The following SMG5 variants were observed in gnomAD, a reference collection of about 807,000 sequenced individuals.
The protein encoded by SMG5 is SMG5 nonsense mediated mRNA decay factor, also known as nonsense-mediated mRNA decay factor SMG5.
In SMG5, 53 loss-of-function variants were observed where a neutral mutation model predicts 122.9. The observed-to-expected ratio is 0.43, with a 90% CI of 0.35 to 0.54. SMG5 has a LOEUF of 0.54. SMG5 is among the 20% of genes least tolerant of loss of function. The pLI is 0.01. For missense variants in SMG5, 1,153 were observed against 1,285.6 expected, an observed-to-expected ratio of 0.90 and a Z score of 1.58; for synonymous variants, 477 against 490.2, an observed-to-expected ratio of 0.97 and a Z score of 0.35.
At chr1:156,264,186 T>G (rs1661999345) in intron 12 of SMG5, among the ~76,000 whole-genome samples, 1 of 133,082 alleles carries the variant, frequency 7.5e-6, no homozygotes, top group Admixed American at 9.7e-5. Flanking sequence ...GAGAATTGCT[T>G]GAACCCGGGA....
chr1:156,266,577 C>T lies in SMG5; in HGVS notation c.1219G>A (p.Glu407Lys), dbSNP rs1411710866. ...CTCTGGAATGCCGGGACGGGATTCT[C>T]GCCCTCTTCCAGCTCAGCCTGCAGC... ...IRLQAELEEG[E>K]NPVPAFQSDG... is the part of the protein sequence containing the mutation. The change falls in exon 11 of 22, where the codon GAG becomes AAG. Residue 407 changes from glutamate to lysine, a missense_variant. Coordinates refer to ENST00000361813, the MANE Select transcript of SMG5 (RefSeq NM_015327.3). 16 of 1,614,008 alleles carry T rather than the reference C, an allele frequency of 9.9e-6. No homozygotes were observed. Among genetic ancestry groups the T allele is most frequent in the Admixed American group, 8.3e-5 (5 of 59,992 alleles).
At chr1:156,260,424 C>T (rs1164082972) in intron 15 of SMG5, 27 bp downstream of exon 15, 3 of 1,590,730 alleles carry the variant, frequency 1.9e-6, no homozygotes, top group Non-Finnish European at 2.6e-6. Flanking sequence ...ACAAACAGAG[C>T]TGTGGCATAA....
rs766890372 is a variant in SMG5 at position 156,277,946 on chromosome 1, C to G, written c.276G>C (p.Gln92His). 5 of 1,614,102 alleles carry G rather than the reference C, an allele frequency of 3.1e-6. No homozygotes were observed. In the Admixed American group the frequency reaches 8.3e-5, roughly 27 times the overall value. The change falls in exon 3 of 22, where the codon CAG (glutamine) becomes CAC (histidine). Residue 92 changes from glutamine (Q) to histidine (H), a missense_variant. Gln to His is a conservative substitution (Grantham distance 24). Around this residue, in one of 5 missense-constraint regions of SMG5, gnomAD observed 213 missense variants for 197.5 expected, o/e 1.08. Transcript: ENST00000361813. ...LWRKVYYEVI[Q>H]LIKTNKKHIH... ...TTACCTTTTTGTTAGTCTTGATAAG[C>G]TGGATAACTTCATAGTATACCTTTC...
intron 10 of SMG5, 135 bp downstream of exon 10, chr1:156,267,335 G>A (rs1324275204): frequency 1.4e-5 from 12 of 837,242 alleles, no homozygotes; most frequent in Non-Finnish European, 2.2e-5. Context: ...GCCCTTACTT[G>A]CCCACAGCCA....
chr1:156,289,079 T>A, the SMG5 span, among the ~76,000 whole-genome samples: 3 of 152,354 alleles, frequency 2.0e-5, 1 homozygote, highest in East Asian at 5.8e-4. Flanking sequence ...TTCTTTACCA[T>A]GGACAAGTTC....
At chr1:156,285,457 C>G, upstream of SMG5, 1 of 1,614,042 alleles carries the variant, frequency 6.2e-7, no homozygotes, top group Non-Finnish European at 8.5e-7. Context: ...CCACCTTGCC[C>G]TGGGGGACTG....
chr1:156,256,941 T>C (rs1030803629), intron 16 of SMG5, among the ~76,000 whole-genome samples: 7 of 141,242 alleles, frequency 5.0e-5, no homozygotes, highest in Non-Finnish European at 1.1e-4. Flanking sequence ...TTTTTTTTTT[T>C]TTCCAGACAG....
the SMG5 span, chr1:156,291,503 G>C: frequency 1.1e-5 from 17 of 1,612,244 alleles, no homozygotes; most frequent in East Asian, 2.2e-4. Flanking sequence ...GTTCGTGGTG[G>C]AGCCGGAGCG....
intron 16 of SMG5, among the ~76,000 whole-genome samples, chr1:156,257,115 C>T (rs1243822028): frequency 3.3e-5 from 5 of 151,846 alleles, no homozygotes; most frequent in South Asian, 2.1e-4. Context: ...TTAGTAGAGA[C>T]GAGGTTTCAC....
intron 16 of SMG5, among the ~76,000 whole-genome samples, chr1:156,255,651 C>T (rs1385482199): frequency 3.3e-5 from 5 of 151,842 alleles, no homozygotes; most frequent in African/African-American, 9.7e-5. Flanking sequence ...TATGGGAGGC[C>T]GAGGCAGGAG....
chr1:156,286,509 G>C (rs1264317525), upstream of SMG5: 1 of 1,602,072 alleles, frequency 6.2e-7, no homozygotes. Context: ...TGGGAGAGGG[G>C]ATGGTGCTAG....
At chr1:156,276,835 A>G (rs1189490348) in intron 4 of SMG5, among the ~76,000 whole-genome samples, 1 of 152,246 alleles carries the variant, frequency 6.6e-6, no homozygotes, top group Non-Finnish European at 1.5e-5. Flanking sequence ...TTCCAGTGCC[A>G]GACCTACTCT....
intron 4 of SMG5, among the ~76,000 whole-genome samples, chr1:156,275,726 T>A (rs1662650981): frequency 7.0e-6 from 1 of 143,210 alleles, no homozygotes; most frequent in African/African-American, 2.5e-5. Context: ...TTTGAAGTGA[T>A]CTTTTTTTTA....
At chr1:156,256,210 G>C (rs1661569382) in intron 16 of SMG5, among the ~76,000 whole-genome samples, 1 of 151,628 alleles carries the variant, frequency 6.6e-6, no homozygotes, top group African/African-American at 2.4e-5. Flanking sequence ...ACAAAGAATT[G>C]TCCTGCCCAA....
chr1:156,284,548 A>T (rs1663092368), upstream of SMG5: 1 of 152,640 alleles, frequency 6.6e-6, no homozygotes, highest in African/African-American at 2.4e-5. Context: ...GAAAACAGCC[A>T]TGATCAGACC....
intron 19 of SMG5, 58 bp downstream of exon 19, chr1:156,252,356 T>C (rs551091921): frequency 2.0e-6 from 3 of 1,524,600 alleles, no homozygotes; most frequent in African/African-American, 2.7e-5. Flanking sequence ...TTCATAAGCA[T>C]GTGTTATCCA....
Position 156,249,843 on chromosome 1 carries a change from C to T in SMG5, c.*744G>A, listed in dbSNP as rs1438901923. ...TGTGGGGCTGGTGGGCACAGGAGAC[C>T]GTGCTGGCACAGGCCAGACTGCCTG... is the stretch of plus-strand genomic sequence containing the variant. On this transcript the variant is annotated 3_prime_UTR_variant, in exon 22 of 22. Coordinates refer to ENST00000361813, the MANE Select transcript of SMG5 (RefSeq NM_015327.3). The T allele has an allele frequency of 2.5e-5, 12 of 471,132 alleles. No individual in the cohort carries two copies. Among genetic ancestry groups the T allele is most frequent in the Middle Eastern group, 3.2e-4 (1 of 3,100 alleles). The allele number at this position is 471,132 out of a possible 1,614,324, so 29.2% of individuals were successfully genotyped here.
At chr1:156,274,795 G>C (rs1662607227) in intron 4 of SMG5, 109 bp from the exon 5 acceptor site, 2 of 843,376 alleles carry the variant, frequency 2.4e-6, no homozygotes, top group East Asian at 5.7e-5. Flanking sequence ...GCCAGTCTTG[G>C]AACATTGTCT....
At chr1:156,256,876 T>G (rs564447570) in intron 16 of SMG5, among the ~76,000 whole-genome samples, 1 of 152,140 alleles carries the variant, frequency 6.6e-6, no homozygotes, top group Non-Finnish European at 1.5e-5. Context: ...CCGACTATAC[T>G]TTCTGATCTT....
Sources: allele counts gnomAD v4.1 joint callset (sites outside exome capture counted in the v4.1 genomes callset), GRCh38; gene constraint gnomAD v4.1.1; regional missense constraint gnomAD v4.1.1; transcripts MANE v1.5; gene names NCBI Gene and HGNC (gene_info 2026-07-23, HGNC 2026-07-21).